PCDHGB6: variants seen among roughly 807,000 people sequenced by gnomAD.
The protein encoded by PCDHGB6 is protocadherin gamma subfamily B, 6.
Under a neutral mutation model 59.1 loss-of-function variants are expected in PCDHGB6, and 51 were observed. The ratio of observed to expected loss-of-function variants is 0.86; its 90% CI spans 0.69 to 1.09. PCDHGB6 has a LOEUF of 1.09. PCDHGB6 is among the 50% of genes least tolerant of loss of function. PCDHGB6 has a pLI of 0.00. For missense variants in PCDHGB6, 1,148 were observed against 1,205.1 expected, an observed-to-expected ratio of 0.95 and a Z score of 0.70; for synonymous variants, 466 against 495.1, an observed-to-expected ratio of 0.94 and a Z score of 0.78.
intron 1 of PCDHGB6, chr5:141,440,359 G>T (rs932656332): frequency 5.3e-5 from 8 of 152,106 alleles, no homozygotes; most frequent in Non-Finnish European, 1.2e-4. Context: ...CTAGCTACTC[G>T]GGGGGCCGAG....
chr5:141,410,374 G>A lies in PCDHGB6; in HGVS notation c.2172G>A (p.Trp724Ter). 1 of 1,613,976 alleles carries A rather than the reference G, an allele frequency of 6.2e-7. No homozygotes were observed. Among genetic ancestry groups the A allele is most frequent in the Non-Finnish European group, 8.5e-7 (1 of 1,179,894 alleles). The change falls in exon 1 of 4, where the codon TGG becomes TGA. Residue 724 changes from tryptophan to a stop codon, truncating the protein, a stop_gained. Coordinates refer to ENST00000520790, the MANE Select transcript of PCDHGB6 (RefSeq NM_018926.3). LOFTEE classifies it high-confidence loss of function. ...GACGCTCTCTCAGCCCTGCTACTTGGGACTGCTTCCATCCTGGTCTCTGTG... is the reference window on the plus strand; with the variant it reads ...GACGCTCTCTCAGCCCTGCTACTTGAGACTGCTTCCATCCTGGTCTCTGTG... ...RLRRSLSPAT[W>*]DCFHPGLCVK...
Position 141,408,083 on chromosome 5 carries a change from C to G in PCDHGB6, c.-120C>G, listed in dbSNP as rs1045548793. 5 of 1,414,460 alleles carry G rather than the reference C, an allele frequency of 3.5e-6. No individual in the cohort carries two copies. Among genetic ancestry groups the G allele is most frequent in the Non-Finnish European group, 4.7e-6 (5 of 1,073,856 alleles). The allele number at this position is 1,414,460 out of a possible 1,614,324, so 87.6% of individuals were successfully genotyped here. ...GCTGCGCAGACCTTTCCCAGCACAG[C>G]GGATTGCCAGCTCCGAGACCCGGGA... is the stretch of plus-strand genomic sequence containing the variant. On this transcript the variant is annotated 5_prime_UTR_variant, in exon 1 of 4. Transcript: ENST00000520790.
At position 141,423,166 on chromosome 5, in the gene PCDHGB6, G is replaced by A. The variant is rs367805855; in HGVS notation, c.2418+12546G>A. ...GCTCAAGCAGAGCCTCGTGGTGGCC[G>A]TCCAGGACCACGGCCAGCCCCCTCT... On this transcript the variant is annotated intron_variant, in intron 1 of 3. Transcript: ENST00000520790. 2.4e-5 allele frequency: 38 copies of A among 1,613,476 alleles called. No individual in the cohort carries two copies. The South Asian group carries it at 2.5e-4, about 11-fold the overall frequency.
At chr5:141,494,355 G>T (rs910437011) in intron 1 of PCDHGB6, among the ~76,000 whole-genome samples, 4 of 152,234 alleles carry the variant, frequency 2.6e-5, no homozygotes, top group African/African-American at 9.6e-5. Flanking sequence ...CCATCTTGCT[G>T]CAGAGGATGC....
chr5:141,453,266 A>G (rs1322091044), intron 1 of PCDHGB6, among the ~76,000 whole-genome samples: 4 of 151,838 alleles, frequency 2.6e-5, no homozygotes. Flanking sequence ...AGTGCACACC[A>G]CCATGACTGG....
In PCDHGB6 at chr5:141,414,961, G is replaced by A. The variant is rs1357376957; in HGVS notation, c.2418+4341G>A. Reference sequence around the variant, plus strand: ...GCCCGGCTACCTGGTGACCAAGGTGGTGGCGGTGGACAGAGACTCCGGCCA... The same window carrying A: ...GCCCGGCTACCTGGTGACCAAGGTGATGGCGGTGGACAGAGACTCCGGCCA... On this transcript the variant is annotated intron_variant, in intron 1 of 3. Transcript: ENST00000520790. 2.5e-6 allele frequency: 4 copies of A among 1,614,028 alleles called. No individual in the cohort carries two copies. In the Admixed American group the frequency reaches 6.7e-5, roughly 27 times the overall value.
At position 141,424,020 on chromosome 5, in the gene PCDHGB6, C is replaced by A. The variant is rs1326303938; in HGVS notation, c.2418+13400C>A. ...TATATAGATACAAATTAATGATTCA[C>A]AAACACTTTTTATTTCCATTTCAAT... On this transcript the variant is annotated intron_variant, in intron 1 of 3. Coordinates refer to ENST00000520790, the MANE Select transcript of PCDHGB6 (RefSeq NM_018926.3). 3 of 1,050,122 alleles carry A rather than the reference C, an allele frequency of 2.9e-6. No individual in the cohort carries two copies. In the East Asian group the frequency reaches 2.2e-4, roughly 77 times the overall value. The allele number at this position is 1,050,122 out of a possible 1,614,324, so 65.1% of individuals were successfully genotyped here. A position where few individuals can be genotyped will look rare whatever the true frequency, so the allele number is the denominator to read the frequency against.
intron 1 of PCDHGB6, among the ~76,000 whole-genome samples, chr5:141,456,584 A>G (rs990911693): frequency 6.6e-6 from 1 of 152,212 alleles, no homozygotes; most frequent in Non-Finnish European, 1.5e-5. Flanking sequence ...TGAGCCTGTC[A>G]ATAATTTTGA....
Position 141,487,682 on chromosome 5 carries a change from G to A in PCDHGB6, c.2419-7125G>A, listed in dbSNP as rs757434520. On this transcript the variant is annotated intron_variant, in intron 1 of 3. Transcript: ENST00000520790. This position sits in a 1 kb window ranked among gnomAD's most constrained non-coding sequence, Gnocchi z 5.0. ...TGATCCAGGCATATGGCTAGGCCATGTCCTAGAGAGTACTGGCCTCTCAGT... is the reference window on the plus strand; with the variant it reads ...TGATCCAGGCATATGGCTAGGCCATATCCTAGAGAGTACTGGCCTCTCAGT... The A allele has an allele frequency of 1.2e-6, 2 of 1,607,256 alleles. No individual in the cohort carries two copies. Among genetic ancestry groups the A allele is most frequent in the East Asian group, 4.5e-5 (2 of 44,762 alleles).
chr5:141,444,237 T>G (rs1315900009), intron 1 of PCDHGB6, among the ~76,000 whole-genome samples: 1 of 137,132 alleles, frequency 7.3e-6, no homozygotes, highest in Admixed American at 8.0e-5. Flanking sequence ...AATGGCATGC[T>G]CTCGGCTCAC....
At chr5:141,436,173 A>T (rs556225963) in intron 1 of PCDHGB6, among the ~76,000 whole-genome samples, 1 of 152,302 alleles carries the variant, frequency 6.6e-6, no homozygotes, top group East Asian at 1.9e-4. Context: ...GACAGTTCTC[A>T]TATATAGTCA....
chr5:141,421,272 G>A, intron 1 of PCDHGB6: 1 of 1,612,340 alleles, frequency 6.2e-7, no homozygotes, highest in Non-Finnish European at 8.5e-7. Context: ...GGCTGCTGCT[G>A]CTGCTGTGCA....
rs1410460145 is a variant in PCDHGB6 at position 141,490,798 on chromosome 5, C to T, written c.2419-4009C>T. On this transcript the variant is annotated intron_variant, in intron 1 of 3. Coordinates refer to ENST00000520790, the MANE Select transcript of PCDHGB6 (RefSeq NM_018926.3). The surrounding 1 kb of genome is among the most constrained non-coding windows in gnomAD (Gnocchi z 5.4). The stretch of plus-strand genomic sequence containing the variant: ...AGAGGATGGACGGATCTTTGCCCAG[C>T]GTACCTTTGACTATGAATTGCTGCA... 9.3e-6 allele frequency: 15 copies of T among 1,613,808 alleles called. No individual in the cohort carries two copies. Among genetic ancestry groups the T allele is most frequent in the Admixed American group, 6.7e-5 (4 of 60,002 alleles).
At chr5:141,413,708 C>G in intron 1 of PCDHGB6, 1 of 1,613,664 alleles carries the variant, frequency 6.2e-7, no homozygotes, top group African/African-American at 1.3e-5. Flanking sequence ...CAGCTCAGCC[C>G]CAATAAGCAC....
chr5:141,488,564 G>A (rs1047904416), intron 1 of PCDHGB6, among the ~76,000 whole-genome samples: 4 of 152,154 alleles, frequency 2.6e-5, no homozygotes, highest in Non-Finnish European at 5.9e-5. Context: ...TGAGATTTCC[G>A]CAAAGCATTG....
At chr5:141,427,557 A>G (rs1437024906) in intron 1 of PCDHGB6, 1 of 650,060 alleles carries the variant, frequency 1.5e-6, no homozygotes, top group Non-Finnish European at 2.8e-6. Flanking sequence ...TGCCACTGAC[A>G]AGGGCAAGCC....
Position 141,432,076 on chromosome 5 carries a change from G to T in PCDHGB6, c.2418+21456G>T. ...CCCTATCCACGGAAACTCATATCTC[G>T]CTGAACGTGGCAGACACCAACGACA... On this transcript the variant is annotated intron_variant, in intron 1 of 3. Transcript: ENST00000520790. This position sits in a 1 kb window ranked among gnomAD's most constrained non-coding sequence, Gnocchi z 6.0. 1.2e-6 allele frequency: 2 copies of T among 1,614,160 alleles called. No homozygotes were observed. Among genetic ancestry groups the T allele is most frequent in the Non-Finnish European group, 1.7e-6 (2 of 1,180,024 alleles).
chr5:141,419,065 C>T (rs763008753), intron 1 of PCDHGB6: 3 of 1,613,904 alleles, frequency 1.9e-6, no homozygotes, highest in Non-Finnish European at 2.5e-6. Flanking sequence ...ATAATTACTA[C>T]AAGCTAGTAA....
rs1427742903 is a variant in PCDHGB6 at position 141,477,916 on chromosome 5, A to G, written c.2419-16891A>G. On this transcript the variant is annotated intron_variant, in intron 1 of 3. Coordinates refer to ENST00000520790, the MANE Select transcript of PCDHGB6 (RefSeq NM_018926.3). This position sits in a 1 kb window ranked among gnomAD's most constrained non-coding sequence, Gnocchi z 4.9. ...GGGTGGTAGGCTGGGACGCGGATGC[A>G]GGGCACAATGCCTGGCTCTCCTACA... The G allele has an allele frequency of 1.2e-6, 2 of 1,614,042 alleles. No homozygotes were observed. The highest frequency in any genetic ancestry group is 2.7e-5 in the African/African-American group (2 of 74,932).
Sources: allele counts gnomAD v4.1 joint callset (sites outside exome capture counted in the v4.1 genomes callset), GRCh38; gene constraint gnomAD v4.1.1; non-coding constraint Gnocchi (gnomAD v3.1); transcripts MANE v1.5; gene names NCBI Gene and HGNC (gene_info 2026-07-23, HGNC 2026-07-21).